LIPA: variants seen among roughly 807,000 people sequenced by gnomAD.
The protein encoded by LIPA is lysosomal acid lipase/cholesteryl ester hydrolase.
Under a neutral mutation model 40.6 loss-of-function variants are expected in LIPA, and 26 were observed. The observed-to-expected ratio is 0.64, with a 90% confidence interval of 0.47 to 0.89. LIPA has a LOEUF of 0.89. Ranked by LOEUF, LIPA falls within the 40% of genes least tolerant of loss-of-function variation. The probability of loss-of-function intolerance (pLI) is 0.00; values close to 1 mark genes in which losing one functional copy is unlikely to be tolerated. For synonymous variants in LIPA, 188 were observed against 168.4 expected (o/e 1.12, Z -0.90); for missense variants, 455 against 479.6 (o/e 0.95, Z 0.48).
chr10:89,327,984 G>C, intron 1 of LIPA: 2 of 1,380,704 alleles, frequency 1.4e-6, no homozygotes, highest in South Asian at 2.3e-5. Context: ...AGTTCCTTCA[G>C]TATTTACTTG....
At chr10:89,382,702 G>T (rs1391383623) in intron 2 of LIPA, among the ~76,000 whole-genome samples, 1 of 152,182 alleles carries the variant, frequency 6.6e-6, no homozygotes, top group Admixed American at 6.5e-5. Context: ...CTTGTGAGGT[G>T]GTTCCACCCA....
Position 89,297,046 on chromosome 10 carries a change from G to A in LIPA, c.-2+45565C>T, listed in dbSNP as rs531603497. On this transcript the variant is annotated intron_variant, in intron 1 of 5. Coordinates refer to the LIPA transcript ENST00000282673. ...AATTATGAATAGATAATTATACCTC[G>A]AATAGAACATCTAGGAGACAACACT... 2.6e-5 allele frequency among the ~76,000 whole-genome samples: 4 copies of A among 152,178 alleles called. No individual in the cohort carries two copies. The South Asian group carries it at 6.2e-4, about 24-fold the overall frequency.
At chr10:89,351,398 G>A (rs563272773) in intron 2 of LIPA, among the ~76,000 whole-genome samples, 1 of 152,218 alleles carries the variant, frequency 6.6e-6, no homozygotes, top group African/African-American at 2.4e-5. Context: ...ATTTCAGATG[G>A]CCTAATCAGA....
At chr10:89,269,254 C>T (rs7100313) in intron 1 of LIPA, among the ~76,000 whole-genome samples, 18,680 of 151,346 alleles carry the variant, frequency 0.12, 1,164 homozygotes, top group South Asian at 0.23. Flanking sequence ...CACTTGAACC[C>T]GGGAGGCAGA....
At chr10:89,356,905 CTGAT>C (rs1843991796) in intron 2 of LIPA, among the ~76,000 whole-genome samples, 1 of 152,144 alleles carries the variant, frequency 6.6e-6, no homozygotes. Context: ...ATTTTGATGA[CTGAT>C]TGAATCATTG....
upstream of LIPA, among the ~76,000 whole-genome samples, chr10:89,345,885 T>A (rs1206365088): frequency 6.6e-6 from 1 of 152,186 alleles, no homozygotes; most frequent in Non-Finnish European, 1.5e-5. Context: ...AAGGCAATAG[T>A]TGAAGAGACA....
chr10:89,358,818 C>G (rs974140572), intron 2 of LIPA, among the ~76,000 whole-genome samples: 1 of 151,706 alleles, frequency 6.6e-6, no homozygotes, highest in East Asian at 1.9e-4. Context: ...TTAATGGGCA[C>G]AAAAATGTCA....
Position 89,383,796 on chromosome 10 carries a change from G to A in LIPA, c.61+28995C>T, listed in dbSNP as rs775389107. 27 of 1,614,052 alleles carry A rather than the reference G, an allele frequency of 1.7e-5. No individual in the cohort carries two copies. In the Admixed American group the frequency reaches 4.5e-4, roughly 27 times the overall value. On this transcript the variant is annotated intron_variant, in intron 2 of 8. Coordinates refer to the LIPA transcript ENST00000371837. ...GTGGAAAGAATTATGAACGGGCCAAGACCTGCTTTGAAAAGGCTCTGGAAG... is the reference window on the plus strand; with the variant it reads ...GTGGAAAGAATTATGAACGGGCCAAAACCTGCTTTGAAAAGGCTCTGGAAG...
rs148573484 is a variant in LIPA at position 89,396,352 on chromosome 10, G to A, written c.61+16439C>T. ...AAAGGTTTATTTAGCTCACAGTTCC[G>A]CAGCCCATACAAGAAGTATGGTGCT... is the stretch of plus-strand genomic sequence containing the variant. On this transcript the variant is annotated intron_variant, in intron 2 of 8. Transcript: ENST00000371837. Among the ~76,000 whole-genome samples the A allele has an allele frequency of 3.3e-4, 50 of 152,290 alleles. No individual in the cohort carries two copies. In the East Asian group the frequency reaches 7.3e-3, roughly 22 times the overall value.
At chr10:89,231,336 C>T (rs779869001) in intron 3 of LIPA, among the ~76,000 whole-genome samples, 6 of 152,154 alleles carry the variant, frequency 3.9e-5, no homozygotes, top group Admixed American at 1.3e-4. Context: ...AGGTAGCTTC[C>T]GTAGACTACT....
intron 1 of LIPA, chr10:89,340,200 G>C: frequency 6.7e-7 from 1 of 1,482,320 alleles, no homozygotes; most frequent in Non-Finnish European, 9.0e-7. Context: ...AGGAAGACAG[G>C]GGGCCCCAAC....
chr10:89,379,967 G>A (rs112405582), intron 2 of LIPA, among the ~76,000 whole-genome samples: 5,141 of 151,866 alleles, frequency 0.034, 301 homozygotes, highest in African/African-American at 0.12. Flanking sequence ...CCTGGGAGGC[G>A]GAGCTTGAAG....
At chr10:89,397,253 G>C (rs1051924317) in intron 2 of LIPA, among the ~76,000 whole-genome samples, 3 of 151,824 alleles carry the variant, frequency 2.0e-5, no homozygotes, top group African/African-American at 7.3e-5. Flanking sequence ...CTTATGTACT[G>C]GTTATTTTTT....
intron 2 of LIPA, among the ~76,000 whole-genome samples, chr10:89,382,659 G>C (rs973646833): frequency 6.6e-6 from 1 of 152,154 alleles, no homozygotes; most frequent in African/African-American, 2.4e-5. Context: ...GTTCATTCAT[G>C]CCTCTTCTTC....
rs932833601 is a variant in LIPA at position 89,402,306 on chromosome 10, A to G, written c.61+10485T>C. 13 of 1,612,880 alleles carry G rather than the reference A, an allele frequency of 8.1e-6. No individual in the cohort carries two copies. The highest frequency in any genetic ancestry group is 1.0e-5 in the Non-Finnish European group (12 of 1,179,280). On this transcript the variant is annotated intron_variant, in intron 2 of 8. Coordinates refer to the LIPA transcript ENST00000371837. Reference sequence around the variant, plus strand: ...TACAAATGGTGATGATCATCAGGTCAAGGATAGTCTGGAGCAATTGAGATG... The same window carrying G: ...TACAAATGGTGATGATCATCAGGTCGAGGATAGTCTGGAGCAATTGAGATG...
At chr10:89,227,601 T>C (rs1167101559) in intron 4 of LIPA, among the ~76,000 whole-genome samples, 3 of 152,166 alleles carry the variant, frequency 2.0e-5, no homozygotes, top group Non-Finnish European at 4.4e-5. Context: ...CAAGTGTGCG[T>C]ATGGGTATAT....
chr10:89,312,374 G>A (rs547056780), intron 1 of LIPA, among the ~76,000 whole-genome samples: 2 of 152,172 alleles, frequency 1.3e-5, no homozygotes, highest in South Asian at 4.2e-4. Flanking sequence ...CCAGGAGGTG[G>A]GGGCTTCAGT....
At chr10:89,285,698 G>A (rs1694136003) in intron 1 of LIPA, among the ~76,000 whole-genome samples, 1 of 151,304 alleles carries the variant, frequency 6.6e-6, no homozygotes, top group Non-Finnish European at 1.5e-5. Flanking sequence ...ACTTTCCTGG[G>A]GGGCAAGGAC....
At chr10:89,237,197 T>G (rs1274930399) in intron 3 of LIPA, among the ~76,000 whole-genome samples, 6 of 152,202 alleles carry the variant, frequency 3.9e-5, no homozygotes, top group Non-Finnish European at 5.9e-5. Flanking sequence ...AGAAGACTGG[T>G]TGAGCCAAGG....
Sources: gnomAD v4.1 joint callset for allele counts (sites outside exome capture counted in the v4.1 genomes callset) on GRCh38, gnomAD v4.1.1 for gene constraint, MANE v1.5 for transcripts, NCBI Gene and HGNC (gene_info 2026-07-23, HGNC 2026-07-21) for gene names.